SLC1A3: variants seen among roughly 807,000 people sequenced by gnomAD.
SLC1A3 encodes solute carrier family 1 member 3, also known as excitatory amino acid transporter 1.
SLC1A3 carries 21 observed loss-of-function variants against 48.1 expected under a neutral mutation model. That is an observed-to-expected ratio of 0.44 (90% CI 0.31 to 0.63). The LOEUF is 0.63. SLC1A3 is among the 20% of genes least tolerant of loss of function. The pLI is 0.08. For synonymous variants in SLC1A3, 239 were observed against 251.4 expected, an observed-to-expected ratio of 0.95 and a Z score of 0.47; for missense variants, 546 against 689.0, an observed-to-expected ratio of 0.79 and a Z score of 2.32.
chr5:36,664,497 A>AT (rs575792338), intron 3 of SLC1A3, among the ~76,000 whole-genome samples: 23,010 of 148,116 alleles, frequency 0.16, 1,794 homozygotes, highest in Middle Eastern at 0.24. Context: ...GTTTACAAAC[A>AT]TTTTTTTTTT....
intron 6 of SLC1A3, among the ~76,000 whole-genome samples, chr5:36,679,338 C>A (rs1019110907): frequency 1.3e-5 from 2 of 152,150 alleles, no homozygotes; most frequent in African/African-American, 4.8e-5. Context: ...CTGTATCTGC[C>A]TTTTCCCCCA....
At position 36,680,603 on chromosome 5, in the gene SLC1A3, G is replaced by C; in HGVS notation, c.1289+14G>C. On this transcript the variant is annotated intron_variant, in intron 8 of 9. Transcript: ENST00000265113. Reference sequence around the variant, plus strand: ...TATTACAATCAGGTACAAGGAAAGAGTTCTATACACCCTTTCTTAAGAATG... The same window carrying C: ...TATTACAATCAGGTACAAGGAAAGACTTCTATACACCCTTTCTTAAGAATG... The C allele has an allele frequency of 6.2e-7, 1 of 1,602,792 alleles. No individual in the cohort carries two copies. Among genetic ancestry groups the C allele is most frequent in the Non-Finnish European group, 8.5e-7 (1 of 1,169,668 alleles).
intron 3 of SLC1A3, among the ~76,000 whole-genome samples, chr5:36,652,431 G>A (rs1741119565): frequency 2.0e-5 from 3 of 152,256 alleles, no homozygotes; most frequent in African/African-American, 7.2e-5. Flanking sequence ...CAGAATAGCT[G>A]GCTGTTGGTA....
chr5:36,612,270 C>T (rs1031750182), intron 2 of SLC1A3, among the ~76,000 whole-genome samples: 4 of 152,146 alleles, frequency 2.6e-5, no homozygotes, highest in Non-Finnish European at 2.9e-5. Context: ...GGTGAATCAT[C>T]CTGGCTAAAT....
rs887905712 is a variant in SLC1A3 at position 36,680,282 on chromosome 5, C to T, written c.1095-113C>T. 2.3e-5 allele frequency: 20 copies of T among 883,742 alleles called. No individual in the cohort carries two copies. The Admixed American group carries it at 3.1e-4, about 14-fold the overall frequency. The allele number at this position is 883,742 out of a possible 1,614,324, so 54.7% of individuals were successfully genotyped here. The stretch of plus-strand genomic sequence containing the variant: ...ATTTATACAATTGCTGACTTAGTTC[C>T]CTTTAAGTTAGAACATGGGAGAGGA... On this transcript the variant is annotated intron_variant, in intron 7 of 9. Transcript: ENST00000265113.
intron 3 of SLC1A3, among the ~76,000 whole-genome samples, chr5:36,642,539 AT>A (rs1479337871): frequency 6.6e-6 from 1 of 152,118 alleles, no homozygotes; most frequent in Non-Finnish European, 1.5e-5. Context: ...AGTTTGCCTT[AT>A]TTTTTAAGAG....
In SLC1A3 at chr5:36,651,149, A is replaced by G. The variant is rs1469698854; in HGVS notation, c.320-19880A>G. ...GGAAACTAAGTTTTTTTTAAAAAAA[A>G]AAAAAAAAAAAAAAAAAGGAAATAT... On this transcript the variant is annotated intron_variant, in intron 3 of 9. Transcript: ENST00000265113. 1.1e-3 allele frequency among the ~76,000 whole-genome samples: 161 copies of G among 149,796 alleles called. 1 individual carries two copies. Among genetic ancestry groups the G allele is most frequent in the African/African-American group, 3.7e-3 (151 of 41,058 alleles).
In SLC1A3 at chr5:36,687,549, A is replaced by G. The variant is rs534524522; in HGVS notation, c.*1280A>G. The G allele has an allele frequency of 6.6e-6, 1 of 152,342 alleles. No homozygotes were observed. Among genetic ancestry groups the G allele is most frequent in the Admixed American group, 6.5e-5 (1 of 15,308 alleles). The allele number at this position is 152,342 out of a possible 1,614,324, so 9.4% of individuals were successfully genotyped here. On this transcript the variant is annotated 3_prime_UTR_variant, in exon 10 of 10. Coordinates refer to ENST00000265113, the MANE Select transcript of SLC1A3 (RefSeq NM_004172.5). ...TCAAATGAATGAGCTCTCTAATAGA[A>G]GTCCATGAGTTGAGTGGGTATTTCT...
upstream of SLC1A3, among the ~76,000 whole-genome samples, chr5:36,604,635 T>A (rs1369747159): frequency 1.3e-5 from 2 of 152,020 alleles, no homozygotes; most frequent in Non-Finnish European, 2.9e-5. Context: ...ACTCCCATAA[T>A]GTCTACACAA....
At chr5:36,620,279 T>C (rs189071380) in intron 2 of SLC1A3, among the ~76,000 whole-genome samples, 1 of 152,344 alleles carries the variant, frequency 6.6e-6, no homozygotes, top group East Asian at 1.9e-4. Flanking sequence ...ACTGTCTTTC[T>C]ACAGCATCAC....
chr5:36,625,497 A>C (rs34594159), intron 2 of SLC1A3, among the ~76,000 whole-genome samples: 1 of 152,180 alleles, frequency 6.6e-6, no homozygotes, highest in African/African-American at 2.4e-5. Flanking sequence ...AATAATATCT[A>C]CCTCATAAAG....
At chr5:36,669,789 G>C (rs1035986540) in intron 3 of SLC1A3, 1 of 151,934 alleles carries the variant, frequency 6.6e-6, no homozygotes, top group Non-Finnish European at 1.5e-5. Context: ...ATTTTAATCA[G>C]TACTTTACCT....
Position 36,612,928 on chromosome 5 carries a change from AAG to A in SLC1A3, c.181+4329_181+4330del, listed in dbSNP as rs997615148. ...TGAGGTAGCAACGGAAGAGATGGAA[AAG>A]AGAGGTCGAACTGAAAGCCCACTGG... On this transcript the variant is annotated intron_variant, in intron 2 of 9. Coordinates refer to ENST00000265113, the MANE Select transcript of SLC1A3 (RefSeq NM_004172.5). 20 of 442,936 alleles carry A rather than the reference AAG, an allele frequency of 4.5e-5. No individual in the cohort carries two copies. The Middle Eastern group carries it at 5.0e-3, about 110-fold the overall frequency. The allele number at this position is 442,936 out of a possible 1,614,324, so 27.4% of individuals were successfully genotyped here. A position where few individuals can be genotyped will look rare whatever the true frequency, so the allele number is the denominator to read the frequency against.
At chr5:36,658,301 G>A (rs764398251) in intron 3 of SLC1A3, among the ~76,000 whole-genome samples, 2 of 152,134 alleles carry the variant, frequency 1.3e-5, no homozygotes, top group Non-Finnish European at 2.9e-5. Flanking sequence ...ATGCTGAGAA[G>A]TCTGGGTTGC....
intron 3 of SLC1A3, among the ~76,000 whole-genome samples, chr5:36,659,456 T>C (rs569524252): frequency 3.3e-5 from 5 of 152,376 alleles, no homozygotes; most frequent in Non-Finnish European, 7.3e-5. Context: ...ACTGTCATCA[T>C]GCCACATATT....
Position 36,629,493 on chromosome 5 carries a change from C to T in SLC1A3, c.225C>T (p.Tyr75=). The change falls in exon 3 of 10, where the codon TAC becomes TAT. Residue 75 remains tyrosine (Y), a synonymous_variant. Coordinates refer to ENST00000265113, the MANE Select transcript of SLC1A3 (RefSeq NM_004172.5). The part of the protein sequence containing the change: ...GFTLRPYRMS[Y]REVKYFSFPG... ...CCCTCCGACCATACAGAATGAGCTA[C>T]CGGGAAGTCAAGTACTTCTCCTTTC... 11 of 1,612,134 alleles carry T rather than the reference C, an allele frequency of 6.8e-6. No homozygotes were observed. The highest frequency in any genetic ancestry group is 9.3e-6 in the Non-Finnish European group (11 of 1,179,216).
At chr5:36,677,415 C>A (rs1282390678) in intron 6 of SLC1A3, among the ~76,000 whole-genome samples, 1 of 152,214 alleles carries the variant, frequency 6.6e-6, no homozygotes, top group Non-Finnish European at 1.5e-5. Flanking sequence ...CCTCCTTTTA[C>A]CCCAGTGCTG....
intron 2 of SLC1A3, chr5:36,608,941 G>A: frequency 1.9e-6 from 2 of 1,039,442 alleles, no homozygotes; most frequent in Non-Finnish European, 1.2e-6. Flanking sequence ...TGGCCAAAAT[G>A]TAATTATATA....
At chr5:36,630,977 C>T (rs1176283302) in intron 3 of SLC1A3, among the ~76,000 whole-genome samples, 1 of 152,192 alleles carries the variant, frequency 6.6e-6, no homozygotes, top group Non-Finnish European at 1.5e-5. Flanking sequence ...GACATGAGGG[C>T]ACATGCTTAT....
Sources: gnomAD v4.1 joint callset for allele counts (sites outside exome capture counted in the v4.1 genomes callset) on GRCh38, gnomAD v4.1.1 for gene constraint, MANE v1.5 for transcripts, NCBI Gene and HGNC (gene_info 2026-07-23, HGNC 2026-07-21) for gene names.